Variants in NPTXR observed in about 807,000 individuals in gnomAD.
NPTXR encodes neuronal pentraxin receptor.
In NPTXR, 12 loss-of-function variants were observed where a neutral mutation model predicts 32.2. The observed-to-expected ratio is 0.37, with a 90% CI of 0.24 to 0.60. The LOEUF (loss-of-function observed/expected upper bound fraction) is 0.60, where lower values mean the gene tolerates loss of function less well. NPTXR is among the 20% of genes least tolerant of loss of function. The pLI, the probability that NPTXR is intolerant of heterozygous loss-of-function variation, is 0.66. For missense variants in NPTXR, 612 were observed against 682.9 expected (o/e 0.90, Z 1.16); for synonymous variants, 323 against 315.8 (o/e 1.02, Z -0.24).
At chr22:38,841,575 A>G (rs2093131716) in intron 1 of NPTXR, among the ~76,000 whole-genome samples, 1 of 152,286 alleles carries the variant, frequency 6.6e-6, no homozygotes, top group Admixed American at 6.5e-5. Context: ...TGTTTTTTAC[A>G]TGACTAAAAC....
At position 38,822,695 on chromosome 22, in the gene NPTXR, G is replaced by A. The variant is rs925461793; in HGVS notation, c.1417C>T (p.Leu473Phe). 6.2e-7 allele frequency: 1 copy of A among 1,614,048 alleles called. No individual in the cohort carries two copies. Among genetic ancestry groups the A allele is most frequent in the South Asian group, 1.1e-5 (1 of 91,084 alleles). ...TCCACCAACTTGTCTTCCCAGGGAAGGACGTTGCCCAGCAGTGGCGCAGTG... is the reference window on the plus strand; with the variant it reads ...TCCACCAACTTGTCTTCCCAGGGAAAGACGTTGCCCAGCAGTGGCGCAGTG... The change falls in exon 5 of 5, where the codon CTT becomes TTT. Residue 473 changes from leucine to phenylalanine, a missense_variant. Leu to Phe is a conservative substitution (Grantham distance 22). Transcript: ENST00000333039.
At chr22:38,828,179 A>T in intron 2 of NPTXR, 108 bp downstream of exon 2, 1 of 833,764 alleles carries the variant, frequency 1.2e-6, no homozygotes, top group East Asian at 2.5e-5. Context: ...CCTCCTCCCC[A>T]CCCTCCAGTC....
intron 3 of NPTXR, 55 bp downstream of exon 3, chr22:38,826,444 GT>G (rs1320929452): frequency 1.9e-6 from 3 of 1,555,864 alleles, no homozygotes; most frequent in Non-Finnish European, 2.6e-6. Context: ...TGTGGAGTGG[GT>G]GCTTCTGGAA....
chr22:38,825,302 C>A (rs2093104641), intron 3 of NPTXR, among the ~76,000 whole-genome samples: 1 of 152,146 alleles, frequency 6.6e-6, no homozygotes, highest in Non-Finnish European at 1.5e-5. Flanking sequence ...TGAATCACAT[C>A]ACACCCCAGC....
In NPTXR at chr22:38,823,275, C is replaced by T. The variant is rs774907688; in HGVS notation, c.1099-13G>A. ...GCAGCTGGGCCACCTGGACACAGGT[C>T]CCCCAACCCCAGGTCAGAGGTGCCC... On this transcript the variant is annotated splice_polypyrimidine_tract_variant and intron_variant, in intron 3 of 4. Transcript: ENST00000333039. The T allele has an allele frequency of 8.7e-6, 14 of 1,607,400 alleles. No homozygotes were observed. The highest frequency in any genetic ancestry group is 4.0e-5 in the African/African-American group (3 of 74,926).
chr22:38,843,905 G>A lies in NPTXR; in HGVS notation c.-47C>T. The A allele has an allele frequency of 3.1e-6, 3 of 969,270 alleles. No individual in the cohort carries two copies. The highest frequency in any genetic ancestry group is 3.7e-6 in the Non-Finnish European group (3 of 817,676). 60.0% of individuals were successfully genotyped at this position (969,270 alleles called of 1,614,324 possible). A position where few individuals can be genotyped will look rare whatever the true frequency, so the allele number is the denominator to read the frequency against. On this transcript the variant is annotated 5_prime_UTR_variant, in exon 1 of 5. Transcript: ENST00000333039. This position sits in a 1 kb window ranked among gnomAD's most constrained non-coding sequence, Gnocchi z 5.3. ...GCCCGAGGCCCCCGGCAGGCGCGGC[G>A]GCGGGGTCGGGGCGCGGAGCCCGGG...
chr22:38,828,905 C>T (rs995331566), intron 1 of NPTXR, among the ~76,000 whole-genome samples: 5 of 152,212 alleles, frequency 3.3e-5, no homozygotes, highest in African/African-American at 1.2e-4. Context: ...AGGGGCGGAC[C>T]ATCTTAGTCT....
intron 1 of NPTXR, among the ~76,000 whole-genome samples, chr22:38,842,245 G>A (rs531934968): frequency 3.3e-5 from 5 of 152,380 alleles, no homozygotes; most frequent in South Asian, 2.1e-4. Context: ...AGGGGGCAGC[G>A]CGGGCTTTGG....
At chr22:38,838,807 T>C (rs2093128161) in intron 1 of NPTXR, among the ~76,000 whole-genome samples, 1 of 151,914 alleles carries the variant, frequency 6.6e-6, no homozygotes, top group Admixed American at 6.6e-5. Context: ...GGTCTCGATC[T>C]CCTGACCTCA....
At chr22:38,841,541 G>T (rs925497843) in intron 1 of NPTXR, among the ~76,000 whole-genome samples, 2 of 152,262 alleles carry the variant, frequency 1.3e-5, no homozygotes, top group Admixed American at 6.5e-5. Context: ...GCACGAGGAA[G>T]TTTATTCAAT....
intron 1 of NPTXR, among the ~76,000 whole-genome samples, chr22:38,837,845 T>G (rs75981262): frequency 7.1e-6 from 1 of 139,898 alleles, no homozygotes; most frequent in African/African-American, 2.6e-5. Flanking sequence ...TTATTTTTAT[T>G]TTTTATTTTA....
At chr22:38,825,836 CTCTCTTTTTT>C (rs2093105522) in intron 3 of NPTXR, among the ~76,000 whole-genome samples, 1 of 100,416 alleles carries the variant, frequency 1.0e-5, no homozygotes, top group African/African-American at 4.4e-5. Flanking sequence ...CCTTCTCTCT[CTCTCTTTTTT>C]TTTTTTTTTT....
chr22:38,828,268 T>G lies in NPTXR; in HGVS notation c.850+19A>C. 1 of 1,605,514 alleles carries G rather than the reference T, an allele frequency of 6.2e-7. No homozygotes were observed. The highest frequency in any genetic ancestry group is 2.2e-5 in the East Asian group (1 of 44,758). On this transcript the variant is annotated intron_variant, in intron 2 of 4. Coordinates refer to ENST00000333039, the MANE Select transcript of NPTXR (RefSeq NM_014293.4). ...TCCTGAGGACCCCTCCAATGCCCTC[T>G]GCAGGACCCAGGACCCACCGTGCTC...
chr22:38,826,553 T>A lies in NPTXR; in HGVS notation c.1045A>T (p.Ile349Phe). ...TCATGGCCCGCCTCTAGCAGTACAA[T>A]CTCGTTGGCCTGCCCGGGCACTGAG... Residue 349 changes from isoleucine to phenylalanine, a missense_variant, in exon 3 of 5, where the codon ATT (isoleucine) becomes TTT (phenylalanine). Coordinates refer to ENST00000333039, the MANE Select transcript of NPTXR (RefSeq NM_014293.4). 1.9e-6 allele frequency: 3 copies of A among 1,614,092 alleles called. No individual in the cohort carries two copies. The highest frequency in any genetic ancestry group is 2.5e-6 in the Non-Finnish European group (3 of 1,180,000).
intron 1 of NPTXR, among the ~76,000 whole-genome samples, chr22:38,841,380 C>T (rs2093131413): frequency 6.6e-6 from 1 of 152,254 alleles, no homozygotes; most frequent in African/African-American, 2.4e-5. Context: ...CAGGATCCCC[C>T]CAACCTCAGC....
chr22:38,825,840 CTTTTTT>C (rs11364544), intron 3 of NPTXR, among the ~76,000 whole-genome samples: 1 of 115,472 alleles, frequency 8.7e-6, no homozygotes, highest in Non-Finnish European at 1.8e-5. Flanking sequence ...CTCTCTCTCT[CTTTTTT>C]TTTTTTTTTT....
In NPTXR at chr22:38,822,611, A is replaced by G; in HGVS notation, c.1501T>C (p.Ter501ArgextTer17). 1 of 1,606,592 alleles carries G rather than the reference A, an allele frequency of 6.2e-7. No individual in the cohort carries two copies. The highest frequency in any genetic ancestry group is 8.5e-7 in the Non-Finnish European group (1 of 1,177,458). Residue 501 changes from the stop codon to arginine (R), a stop_lost, in exon 5 of 5, where the codon TGA (stop) becomes CGA (arginine). Transcript: ENST00000333039. ...GGGGCCCTGGATGAGGTGGCCCCTC[A>G]TGCCTTGGCCCTCCCCTTGCAGACA...
intron 1 of NPTXR, among the ~76,000 whole-genome samples, chr22:38,835,944 G>A (rs748405869): frequency 6.6e-5 from 10 of 151,044 alleles, no homozygotes; most frequent in Non-Finnish European, 1.2e-4. Flanking sequence ...CCGCCGCCCC[G>A]GCACCCCACC....
In NPTXR at chr22:38,843,788, G is replaced by A; in HGVS notation, c.71C>T (p.Ala24Val). Residue 24 changes from alanine (A) to valine (V), a missense_variant, in exon 1 of 5, where the codon GCC becomes GTC. Ala to Val is a moderately conservative substitution (Grantham distance 64, BLOSUM62 0). Coordinates refer to ENST00000333039, the MANE Select transcript of NPTXR (RefSeq NM_014293.4). This position sits in a 1 kb window ranked among gnomAD's most constrained non-coding sequence, Gnocchi z 5.3. ...CGGGCTGGCCGCCAGGGGCACGCTG[G>A]CGATGATGCAGATGACGGCACCGAG... 1 of 1,010,038 alleles carries A rather than the reference G, an allele frequency of 9.9e-7. No individual in the cohort carries two copies. Among genetic ancestry groups the A allele is most frequent in the Non-Finnish European group, 1.2e-6 (1 of 847,062 alleles). 62.6% of individuals were successfully genotyped at this position (1,010,038 alleles called of 1,614,324 possible). A position where few individuals can be genotyped will look rare whatever the true frequency, so the allele number is the denominator to read the frequency against.
Sources: gnomAD v4.1 joint callset for allele counts (sites outside exome capture counted in the v4.1 genomes callset) on GRCh38, gnomAD v4.1.1 for gene constraint, Gnocchi (gnomAD v3.1) non-coding constraint, MANE v1.5 for transcripts, NCBI Gene and HGNC (gene_info 2026-07-23, HGNC 2026-07-21) for gene names.